The following BNC2 variants were observed in gnomAD, a reference collection of about 807,000 sequenced individuals.
BNC2 encodes basonuclin zinc finger protein 2, also known as zinc finger protein basonuclin-2.
A neutral mutation model predicts 76.3 loss-of-function variants in BNC2; 20 were observed. The observed-to-expected ratio is 0.26, with a 90% CI of 0.18 to 0.38. The LOEUF (loss-of-function observed/expected upper bound fraction) is 0.38, where lower values mean the gene tolerates loss of function less well. Ranked by LOEUF, BNC2 falls within the 10% of genes least tolerant of loss-of-function variation. The pLI is 1.00. For synonymous variants in BNC2, 582 were observed against 514.8 expected (o/e 1.13, Z -1.77); for missense variants, 1,382 against 1,399.8 (o/e 0.99, Z 0.20).
At chr9:16,451,453 T>C (rs758593973) in intron 5 of BNC2, among the ~76,000 whole-genome samples, 4 of 152,184 alleles carry the variant, frequency 2.6e-5, no homozygotes, top group Non-Finnish European at 4.4e-5. Flanking sequence ...TGGCTCCCTA[T>C]TGTACACAGA....
At chr9:16,613,074 T>C (rs1025654112) in intron 3 of BNC2, among the ~76,000 whole-genome samples, 14 of 152,174 alleles carry the variant, frequency 9.2e-5, no homozygotes, top group African/African-American at 3.1e-4. Flanking sequence ...GCAAGGAGAA[T>C]ACCTAGGACC....
chr9:16,648,527 A>G lies in BNC2; in HGVS notation c.331-65442T>C, dbSNP rs188719825. 3.6e-3 allele frequency among the ~76,000 whole-genome samples: 554 copies of G among 152,346 alleles called. 4 individuals are homozygous for G. Among genetic ancestry groups the G allele is most frequent in the African/African-American group, 0.012 (516 of 41,590 alleles). On this transcript the variant is annotated intron_variant, in intron 3 of 6. Transcript: ENST00000380672. ...CCTTTGGCTTCCTCGAAGACTAAGG[A>G]CCTGGGAGAGGTGTCACAAGACAAA...
chr9:16,569,537 A>C (rs1819261504), intron 4 of BNC2, among the ~76,000 whole-genome samples: 1 of 152,198 alleles, frequency 6.6e-6, no homozygotes. Flanking sequence ...AAAGTCCTCA[A>C]AACAGACTTT....
intron 5 of BNC2, among the ~76,000 whole-genome samples, chr9:16,513,837 C>G (rs996683018): frequency 1.3e-5 from 2 of 152,072 alleles, no homozygotes; most frequent in African/African-American, 4.8e-5. Context: ...GAATGATGAA[C>G]TAGGGAGTTT....
chr9:16,739,300 CAAG>C (rs1014649368), intron 1 of BNC2, among the ~76,000 whole-genome samples: 2 of 152,118 alleles, frequency 1.3e-5, no homozygotes, highest in Non-Finnish European at 2.9e-5. Context: ...TATTTTGCTC[CAAG>C]AAGATTTATC....
At chr9:16,858,574 G>T (rs909561485) in intron 1 of BNC2, among the ~76,000 whole-genome samples, 7 of 152,184 alleles carry the variant, frequency 4.6e-5, no homozygotes, top group Admixed American at 2.0e-4. Flanking sequence ...GCCAGGCGCG[G>T]TGGCTCACGC....
chr9:16,637,037 A>G (rs1392883176), intron 3 of BNC2, among the ~76,000 whole-genome samples: 2 of 152,040 alleles, frequency 1.3e-5, no homozygotes, highest in Non-Finnish European at 2.9e-5. Flanking sequence ...GTTCAAAGAC[A>G]ACTGCTCTTA....
At chr9:16,869,413 TTGTGTGTG>T (rs35846044) in intron 1 of BNC2, among the ~76,000 whole-genome samples, 3 of 150,364 alleles carry the variant, frequency 2.0e-5, no homozygotes, top group African/African-American at 7.3e-5. Flanking sequence ...GCTCTTGCTT[TTGTGTGTG>T]TGTGTGTGTG....
chr9:16,825,480 C>T (rs991044687), intron 1 of BNC2, among the ~76,000 whole-genome samples: 1 of 152,110 alleles, frequency 6.6e-6, no homozygotes, highest in African/African-American at 2.4e-5. Flanking sequence ...TTTACAGATG[C>T]TTCTAGTTTA....
intron 1 of BNC2, among the ~76,000 whole-genome samples, chr9:16,822,857 G>A (rs10962623): frequency 0.37 from 55,966 of 151,990 alleles, 13,697 homozygotes; most frequent in Non-Finnish European, 0.55. Context: ...CTATAAATTT[G>A]AATATTTTTT....
intron 1 of BNC2, among the ~76,000 whole-genome samples, chr9:16,844,308 A>C (rs1308708248): frequency 6.6e-6 from 1 of 152,066 alleles, no homozygotes; most frequent in Admixed American, 6.6e-5. Flanking sequence ...TAATATACCA[A>C]CTGCATAAAA....
intron 3 of BNC2, among the ~76,000 whole-genome samples, chr9:16,689,583 C>T (rs1823090693): frequency 6.6e-6 from 1 of 151,658 alleles, no homozygotes; most frequent in Non-Finnish European, 1.5e-5. Flanking sequence ...GTTTTGGTGG[C>T]TTCAGTCTGG....
chr9:16,751,618 G>GCA (rs1825200674), intron 1 of BNC2, among the ~76,000 whole-genome samples: 1 of 73,126 alleles, frequency 1.4e-5, no homozygotes, highest in Non-Finnish European at 4.1e-5. Flanking sequence ...ATATATATGT[G>GCA]TATATATATA....
At position 16,415,445 on chromosome 9, in the gene BNC2, A is replaced by C. The variant is rs528328848; in HGVS notation, c.*3544T>G. The C allele has an allele frequency of 4.6e-5, 7 of 152,754 alleles. No homozygotes were observed. Among genetic ancestry groups the C allele is most frequent in the African/African-American group, 1.2e-4 (5 of 41,586 alleles). 9.5% of individuals were successfully genotyped at this position (152,754 alleles called of 1,614,324 possible). ...ATAAACTCTGGCTAAAACCAATCAC[A>C]TGGGGAAAAGCTTGTCGGATGAACA... On this transcript the variant is annotated 3_prime_UTR_variant, in exon 7 of 7. Transcript: ENST00000380672.
At chr9:16,674,461 G>A (rs1186119612) in intron 3 of BNC2, among the ~76,000 whole-genome samples, 1 of 152,116 alleles carries the variant, frequency 6.6e-6, no homozygotes, top group African/African-American at 2.4e-5. Context: ...GTATCCTGGT[G>A]TCATGATTAT....
intron 5 of BNC2, among the ~76,000 whole-genome samples, chr9:16,514,478 C>A (rs1472756687): frequency 6.6e-6 from 1 of 150,702 alleles, no homozygotes; most frequent in African/African-American, 2.5e-5. Flanking sequence ...ATGCTGACAT[C>A]TAATTGTTTA....
intron 1 of BNC2, among the ~76,000 whole-genome samples, chr9:16,819,613 T>C: frequency 6.6e-6 from 1 of 151,792 alleles, no homozygotes; most frequent in Admixed American, 6.6e-5. Context: ...GCTGAGATCA[T>C]GCCACTGCAC....
chr9:16,451,918 C>A (rs76352375), intron 5 of BNC2, among the ~76,000 whole-genome samples: 4,260 of 152,250 alleles, frequency 0.028, 172 homozygotes, highest in African/African-American at 0.082. Context: ...GCTTAGAAAT[C>A]ATCTAGTGCC....
intron 1 of BNC2, among the ~76,000 whole-genome samples, chr9:16,780,446 C>T (rs1466465789): frequency 6.6e-6 from 1 of 151,162 alleles, no homozygotes; most frequent in African/African-American, 2.4e-5. Context: ...GTGGCGGGCG[C>T]CTGTAGTCCC....
Sources: gnomAD v4.1 joint callset for allele counts (sites outside exome capture counted in the v4.1 genomes callset) on GRCh38, gnomAD v4.1.1 for gene constraint, MANE v1.5 for transcripts, NCBI Gene and HGNC (gene_info 2026-07-23, HGNC 2026-07-21) for gene names.